MSI2: variants seen among roughly 807,000 people sequenced by gnomAD.
MSI2 encodes the protein RNA-binding protein Musashi homolog 2.
A neutral mutation model predicts 45.6 loss-of-function variants in MSI2; 17 were observed. The observed-to-expected ratio is 0.37, with a 90% CI of 0.26 to 0.56. MSI2 has a LOEUF of 0.56. Among genes scored for constraint, MSI2 ranks in the 20% least tolerant of loss-of-function variants. The probability of loss-of-function intolerance (pLI) is 0.77; values close to 1 mark genes in which losing one functional copy is unlikely to be tolerated. For synonymous variants in MSI2, 156 were observed against 158.2 expected, an observed-to-expected ratio of 0.99 and a Z score of 0.11; for missense variants, 293 against 444.2, an observed-to-expected ratio of 0.66 and a Z score of 3.06.
intron 5 of MSI2, among the ~76,000 whole-genome samples, chr17:57,390,748 C>T (rs565068583): frequency 4.4e-4 from 67 of 152,330 alleles, no homozygotes; most frequent in Non-Finnish European, 6.9e-4. Context: ...GAACAGGCCT[C>T]GTTCTGGCAG....
At chr17:57,690,447 CA>C in the MSI2 span, among the ~76,000 whole-genome samples, 115,460 of 141,700 alleles carry the variant, frequency 0.81, 46,814 homozygotes, top group South Asian at 0.85. Flanking sequence ...CCTATCTCTA[CA>C]AAAAAAAAAA....
chr17:57,584,034 A>G (rs1738591973), intron 7 of MSI2, among the ~76,000 whole-genome samples: 2 of 152,168 alleles, frequency 1.3e-5, no homozygotes, highest in Non-Finnish European at 1.5e-5. Context: ...CTGAGACTGC[A>G]TTTCCAACCA....
At chr17:57,337,850 T>C (rs550913780) in intron 5 of MSI2, among the ~76,000 whole-genome samples, 1 of 152,348 alleles carries the variant, frequency 6.6e-6, no homozygotes, top group South Asian at 2.1e-4. Context: ...CATTTTTGTG[T>C]GCATACGTAT....
chr17:57,312,708 C>T (rs889632731), intron 5 of MSI2, among the ~76,000 whole-genome samples: 12 of 152,142 alleles, frequency 7.9e-5, no homozygotes, highest in African/African-American at 2.9e-4. Flanking sequence ...CCTCTCTGCT[C>T]TTTGCTTGTG....
At chr17:57,389,550 C>G (rs1262856342) in intron 5 of MSI2, among the ~76,000 whole-genome samples, 2 of 152,194 alleles carry the variant, frequency 1.3e-5, no homozygotes, top group Non-Finnish European at 2.9e-5. Flanking sequence ...CTAACACAGG[C>G]TCTTACTTGA....
chr17:57,467,396 A>G (rs1170366934), intron 6 of MSI2, among the ~76,000 whole-genome samples: 1 of 152,220 alleles, frequency 6.6e-6, no homozygotes, highest in Non-Finnish European at 1.5e-5. Context: ...AGATGCACGG[A>G]TAGAAAGATG....
chr17:57,616,386 G>A (rs1598455704), intron 9 of MSI2: 1 of 209,580 alleles, frequency 4.8e-6, no homozygotes, highest in Non-Finnish European at 9.5e-6. Context: ...TTCCTCAAAA[G>A]AAGGAAAAGT....
chr17:57,276,344 C>T (rs186612308), intron 5 of MSI2, among the ~76,000 whole-genome samples: 33 of 152,270 alleles, frequency 2.2e-4, no homozygotes, highest in Non-Finnish European at 2.9e-5. Context: ...TTGGAGACTC[C>T]CCTCCCGCCT....
At chr17:57,464,867 A>T (rs144561700) in intron 6 of MSI2, among the ~76,000 whole-genome samples, 6 of 152,320 alleles carry the variant, frequency 3.9e-5, no homozygotes, top group African/African-American at 1.4e-4. Flanking sequence ...GTCCGTCTCC[A>T]TCGTCAGATA....
intron 10 of MSI2, among the ~76,000 whole-genome samples, chr17:57,643,499 G>T (rs1910410731): frequency 6.6e-6 from 1 of 152,262 alleles, no homozygotes; most frequent in African/African-American, 2.4e-5. Flanking sequence ...TGTGTTTCCT[G>T]AGTGCTTCCC....
chr17:57,622,953 C>T (rs1171034719), intron 9 of MSI2, among the ~76,000 whole-genome samples: 1 of 152,132 alleles, frequency 6.6e-6, no homozygotes, highest in African/African-American at 2.4e-5. Flanking sequence ...CTGCACTAGC[C>T]AATATCACTA....
intron 8 of MSI2, among the ~76,000 whole-genome samples, chr17:57,598,224 A>G (rs1348482111): frequency 6.6e-6 from 1 of 152,242 alleles, no homozygotes; most frequent in East Asian, 1.9e-4. Context: ...TTTCAATTGC[A>G]GCTGTAACTT....
chr17:57,276,181 C>T (rs1461594864), intron 5 of MSI2, among the ~76,000 whole-genome samples: 1 of 152,188 alleles, frequency 6.6e-6, no homozygotes, highest in Admixed American at 6.5e-5. Flanking sequence ...GCTATTCTTG[C>T]CACAATCATT....
At chr17:57,455,216 G>A (rs1037611025) in intron 6 of MSI2, among the ~76,000 whole-genome samples, 10 of 151,980 alleles carry the variant, frequency 6.6e-5, no homozygotes, top group Admixed American at 3.3e-4. Flanking sequence ...TATATGAAAC[G>A]GTCTCTCTCT....
chr17:57,676,400 G>A (rs565881557), intron 12 of MSI2, among the ~76,000 whole-genome samples: 17 of 152,148 alleles, frequency 1.1e-4, no homozygotes, highest in Non-Finnish European at 2.4e-4. Flanking sequence ...TAATCCCTTC[G>A]GATCAACTGT....
chr17:57,511,718 C>T (rs1380187712), intron 6 of MSI2, among the ~76,000 whole-genome samples: 1 of 152,154 alleles, frequency 6.6e-6, no homozygotes, highest in Non-Finnish European at 1.5e-5. Flanking sequence ...TGGATGTCCC[C>T]CAGGCTATTT....
At chr17:57,308,219 T>C (rs1309082442) in intron 5 of MSI2, among the ~76,000 whole-genome samples, 4 of 152,290 alleles carry the variant, frequency 2.6e-5, no homozygotes, top group South Asian at 2.1e-4. Context: ...TAGTAAGTCA[T>C]GCGAGGTAAA....
rs139054287 is a variant in MSI2 at position 57,290,959 on chromosome 17, G to C, written c.312+28767G>C. Among the ~76,000 whole-genome samples the C allele has an allele frequency of 9.7e-3, 1,472 of 152,326 alleles. 26 individuals are homozygous for C. The highest frequency in any genetic ancestry group is 0.034 in the African/African-American group (1,397 of 41,564). On this transcript the variant is annotated intron_variant, in intron 5 of 13. Coordinates refer to ENST00000284073, the MANE Select transcript of MSI2 (RefSeq NM_138962.4). Reference sequence around the variant, plus strand: ...GATTTGGGCCCTGCGTCAGTGTCCTGGGTGTAAACCTCTGCGAGATGCCCC... The same window carrying C: ...GATTTGGGCCCTGCGTCAGTGTCCTCGGTGTAAACCTCTGCGAGATGCCCC...
intron 6 of MSI2, among the ~76,000 whole-genome samples, chr17:57,458,766 C>A (rs2085166272): frequency 1.3e-5 from 2 of 152,174 alleles, no homozygotes; most frequent in African/African-American, 2.4e-5. Context: ...ATGTCTTGAA[C>A]CAGGCTTTGT....
Sources: gnomAD v4.1 joint callset for allele counts (sites outside exome capture counted in the v4.1 genomes callset) on GRCh38, gnomAD v4.1.1 for gene constraint, MANE v1.5 for transcripts, NCBI Gene and HGNC (gene_info 2026-07-23, HGNC 2026-07-21) for gene names.